SLC38A8: variants seen among roughly 807,000 people sequenced by gnomAD.
The protein encoded by SLC38A8 is solute carrier family 38 member 8.
SLC38A8 carries 65 observed loss-of-function variants against 46.0 expected under a neutral mutation model. That is an observed-to-expected ratio of 1.41 (90% CI 1.16 to 1.74). SLC38A8 has a LOEUF of 1.74. SLC38A8 is among the 40% of genes most tolerant of loss of function. SLC38A8 has a pLI of 0.00. For missense variants in SLC38A8, 998 were observed against 567.9 expected (o/e 1.76, Z -7.70); for synonymous variants, 447 against 243.7 (o/e 1.83, Z -7.77).
chr16:84,030,586 G>A (rs951955791), intron 5 of SLC38A8, among the ~76,000 whole-genome samples: 1 of 151,958 alleles, frequency 6.6e-6, no homozygotes, highest in South Asian at 2.1e-4. Flanking sequence ...CTGCTCCCAG[G>A]GACCCGCCCT....
intron 7 of SLC38A8, 22 bp downstream of exon 7, chr16:84,022,753 G>A (rs2085109505): frequency 6.3e-7 from 1 of 1,596,776 alleles, no homozygotes; most frequent in African/African-American, 1.3e-5. Flanking sequence ...CCCTCTGCAG[G>A]GGTGCCTGGG....
At chr16:84,024,030 C>T (rs977947181) in intron 6 of SLC38A8, among the ~76,000 whole-genome samples, 2 of 152,242 alleles carry the variant, frequency 1.3e-5, no homozygotes, top group Non-Finnish European at 2.9e-5. Flanking sequence ...CTCTTGGCAG[C>T]CGCCCTGTGT....
chr16:84,040,618 G>A (rs1039736511), intron 2 of SLC38A8, among the ~76,000 whole-genome samples: 1 of 152,192 alleles, frequency 6.6e-6, no homozygotes, highest in Admixed American at 6.5e-5. Flanking sequence ...CCTCACTGCT[G>A]TAATGGCAGG....
chr16:84,034,047 G>A (rs2085275651), intron 3 of SLC38A8, among the ~76,000 whole-genome samples: 1 of 152,172 alleles, frequency 6.6e-6, no homozygotes, highest in Non-Finnish European at 1.5e-5. Context: ...GGGGTCTCTG[G>A]CTGGCAGTGG....
chr16:84,042,979 C>G (rs2085384165), upstream of SLC38A8, among the ~76,000 whole-genome samples: 2 of 152,158 alleles, frequency 1.3e-5, no homozygotes, highest in East Asian at 3.9e-4. Context: ...TTCTGCAGCG[C>G]CTCCATCCTC....
At chr16:84,012,852 GGGTAGACAGA>G (rs1167942772) in intron 10 of SLC38A8, 139 bp downstream of exon 10, 1 of 889,392 alleles carries the variant, frequency 1.1e-6, no homozygotes, top group Admixed American at 2.2e-5. Context: ...CCCTCATACT[GGGTAGACAGA>G]GACTCTCTTC....
chr16:84,026,421 T>A (rs2085165294), intron 6 of SLC38A8, among the ~76,000 whole-genome samples: 1 of 152,188 alleles, frequency 6.6e-6, no homozygotes, highest in South Asian at 2.1e-4. Context: ...AAGATGGGGT[T>A]TCACCATGTT....
At chr16:84,035,923 G>A (rs1056101411) in intron 3 of SLC38A8, among the ~76,000 whole-genome samples, 1 of 152,228 alleles carries the variant, frequency 6.6e-6, no homozygotes, top group Non-Finnish European at 1.5e-5. Flanking sequence ...TCTGAACACA[G>A]CTGTTGACTG....
In SLC38A8 at chr16:84,032,490, G is replaced by T. The variant is rs545892998; in HGVS notation, c.531-522C>A. ...GTGTGACGCCCAGCCCAAATGTGTAGAATTCTTAATGGCACCCGGCGCCCT... is the reference window on the plus strand; with the variant it reads ...GTGTGACGCCCAGCCCAAATGTGTATAATTCTTAATGGCACCCGGCGCCCT... On this transcript the variant is annotated intron_variant, in intron 4 of 10. Coordinates refer to ENST00000299709, the MANE Select transcript of SLC38A8 (RefSeq NM_001080442.3). Among the ~76,000 whole-genome samples, 885 of 152,306 alleles carry T rather than the reference G, an allele frequency of 5.8e-3. 7 individuals are homozygous for T. The highest frequency in any genetic ancestry group is 0.021 in the African/African-American group (853 of 41,572).
chr16:84,020,869 G>C (rs540769592), intron 7 of SLC38A8, among the ~76,000 whole-genome samples: 1 of 152,252 alleles, frequency 6.6e-6, no homozygotes, highest in Non-Finnish European at 1.5e-5. Context: ...TCCTATACGC[G>C]CTGCACTCTA....
rs555688168 is a variant in SLC38A8, at chr16:84,022,945, C to T, written c.691-56G>A. On this transcript the variant is annotated intron_variant, in intron 6 of 10. Transcript: ENST00000299709. ...CTGGCTTCCCCTGGAACAGGCGATGCGAAAAAAAACTCATATCCAAAAGGC... is the reference window on the plus strand; with the variant it reads ...CTGGCTTCCCCTGGAACAGGCGATGTGAAAAAAAACTCATATCCAAAAGGC... 2.6e-4 allele frequency: 340 copies of T among 1,288,400 alleles called. 2 individuals carry two copies. The highest frequency in any genetic ancestry group is 2.2e-3 in the Middle Eastern group (10 of 4,456). 79.8% of individuals were successfully genotyped at this position (1,288,400 alleles called of 1,614,324 possible). A position where few individuals can be genotyped will look rare whatever the true frequency, so the allele number is the denominator to read the frequency against.
At chr16:84,010,699 G>T (rs1415500920) in intron 10 of SLC38A8, among the ~76,000 whole-genome samples, 2 of 152,142 alleles carry the variant, frequency 1.3e-5, no homozygotes, top group Non-Finnish European at 2.9e-5. Flanking sequence ...AGCCAAGATT[G>T]CACCACTGCA....
intron 2 of SLC38A8, among the ~76,000 whole-genome samples, chr16:84,040,803 T>G (rs964562087): frequency 6.6e-6 from 1 of 152,086 alleles, no homozygotes; most frequent in African/African-American, 2.4e-5. Flanking sequence ...CCCGGCATGA[T>G]CCACCATCTG....
intron 4 of SLC38A8, among the ~76,000 whole-genome samples, chr16:84,032,440 G>C (rs1471047008): frequency 1.3e-5 from 2 of 152,216 alleles, no homozygotes; most frequent in African/African-American, 4.8e-5. Flanking sequence ...GCCTGCCTTG[G>C]CCTCCCAAAG....
intron 7 of SLC38A8, among the ~76,000 whole-genome samples, chr16:84,020,159 G>C (rs975486476): frequency 2.5e-5 from 2 of 80,176 alleles, no homozygotes; most frequent in African/African-American, 5.9e-5. Context: ...TTTTTTTTTT[G>C]AGACAGGGTC....
At chr16:84,011,480 T>C (rs2151110705) in intron 10 of SLC38A8, among the ~76,000 whole-genome samples, 1 of 152,160 alleles carries the variant, frequency 6.6e-6, no homozygotes, top group East Asian at 1.9e-4. Flanking sequence ...TTGGGCTCAA[T>C]GGGGCTAGAG....
intron 7 of SLC38A8, among the ~76,000 whole-genome samples, chr16:84,021,695 T>G (rs866376844): frequency 5.3e-5 from 8 of 152,242 alleles, no homozygotes; most frequent in South Asian, 2.1e-4. Context: ...TAGTCAATCA[T>G]CAACACCCCA....
intron 7 of SLC38A8, among the ~76,000 whole-genome samples, chr16:84,017,955 G>A (rs1320429762): frequency 1.3e-5 from 2 of 152,180 alleles, no homozygotes; most frequent in Admixed American, 1.3e-4. Flanking sequence ...GCTACAGACT[G>A]ATGGGACCTC....
chr16:84,022,749 G>C, intron 7 of SLC38A8, 26 bp downstream of exon 7: 1 of 1,585,542 alleles, frequency 6.3e-7, no homozygotes, highest in Non-Finnish European at 8.7e-7. Flanking sequence ...CCCACCCTCT[G>C]CAGGGGTGCC....
Sources: allele counts gnomAD v4.1 joint callset (sites outside exome capture counted in the v4.1 genomes callset), GRCh38; gene constraint gnomAD v4.1.1; transcripts MANE v1.5; gene names NCBI Gene and HGNC (gene_info 2026-07-23, HGNC 2026-07-21).